Variants in SEMA5B observed in about 807,000 individuals in gnomAD.
The protein encoded by SEMA5B is semaphorin-5B.
SEMA5B carries 66 observed loss-of-function variants against 135.0 expected under a neutral mutation model. The observed-to-expected ratio is 0.49, with a 90% CI of 0.40 to 0.60. The LOEUF is 0.60. SEMA5B is among the 20% of genes least tolerant of loss of function. SEMA5B has a pLI of 0.00. For synonymous variants in SEMA5B, 690 were observed against 639.5 expected, an observed-to-expected ratio of 1.08 and a Z score of -1.19; for missense variants, 1,501 against 1,566.3, an observed-to-expected ratio of 0.96 and a Z score of 0.70.
intron 1 of SEMA5B, among the ~76,000 whole-genome samples, chr3:123,012,657 G>T (rs141474721): frequency 1.8e-4 from 28 of 152,326 alleles, no homozygotes; most frequent in South Asian, 4.1e-4. Flanking sequence ...GGTTAATTAG[G>T]TGTGCAGCCA....
chr3:123,021,474 A>C (rs913470699), intron 1 of SEMA5B, among the ~76,000 whole-genome samples: 5 of 152,228 alleles, frequency 3.3e-5, no homozygotes, highest in African/African-American at 1.2e-4. Flanking sequence ...GCAGGGAAAG[A>C]AGAGGCCTGA....
chr3:122,991,786 A>C (rs1941884480), intron 1 of SEMA5B, among the ~76,000 whole-genome samples: 2 of 152,170 alleles, frequency 1.3e-5, no homozygotes, highest in Non-Finnish European at 2.9e-5. Context: ...GGAAAGTTGG[A>C]AATGTTCCCA....
intron 5 of SEMA5B, among the ~76,000 whole-genome samples, chr3:122,930,061 T>C (rs567675862): frequency 2.2e-4 from 33 of 152,226 alleles, no homozygotes; most frequent in Non-Finnish European, 3.8e-4. Context: ...AAAGCAGCTC[T>C]GTCTTCCAAA....
At chr3:123,004,853 T>A (rs1942267094) in intron 1 of SEMA5B, among the ~76,000 whole-genome samples, 1 of 152,164 alleles carries the variant, frequency 6.6e-6, no homozygotes. Context: ...CAAATCTGAA[T>A]CTCATGGGTG....
At chr3:123,013,390 C>A (rs1033353569) in intron 1 of SEMA5B, among the ~76,000 whole-genome samples, 1 of 152,204 alleles carries the variant, frequency 6.6e-6, no homozygotes, top group Non-Finnish European at 1.5e-5. Flanking sequence ...GCAAAAGGAC[C>A]GGTTCACTTG....
chr3:122,927,679 G>A (rs1576340826), intron 8 of SEMA5B, 111 bp downstream of exon 8: 2 of 737,324 alleles, frequency 2.7e-6, no homozygotes, highest in East Asian at 3.3e-5. Context: ...GATGAGGCAA[G>A]TGGGAGCACT....
At chr3:122,976,193 A>G in intron 1 of SEMA5B, 1 of 1,508,178 alleles carries the variant, frequency 6.6e-7, no homozygotes, top group South Asian at 1.3e-5. Flanking sequence ...TGCTTCTCAA[A>G]ATGTGCTCCT....
At chr3:122,929,536 G>C (rs988934107) in intron 5 of SEMA5B, among the ~76,000 whole-genome samples, 1 of 152,174 alleles carries the variant, frequency 6.6e-6, no homozygotes, top group Non-Finnish European at 1.5e-5. Context: ...TGACAACTCT[G>C]GGCTTTTTCC....
intron 1 of SEMA5B, among the ~76,000 whole-genome samples, chr3:122,972,122 T>A (rs1480254835): frequency 6.6e-6 from 1 of 152,216 alleles, no homozygotes; most frequent in Non-Finnish European, 1.5e-5. Context: ...GCTCTGCCAC[T>A]ACCTGACTTA....
At chr3:122,943,358 G>T in intron 4 of SEMA5B, 78 bp downstream of exon 4, 1 of 1,040,280 alleles carries the variant, frequency 9.6e-7, no homozygotes, top group Non-Finnish European at 1.4e-6. Context: ...GCCCAGGTGA[G>T]TTCATCCTGA....
intron 1 of SEMA5B, among the ~76,000 whole-genome samples, chr3:123,026,735 A>T (rs1942809497): frequency 6.6e-6 from 1 of 152,168 alleles, no homozygotes; most frequent in African/African-American, 2.4e-5. Context: ...GGGCAGCCCC[A>T]ACCACAAAGA....
chr3:122,967,510 C>T (rs1940918149), intron 1 of SEMA5B, among the ~76,000 whole-genome samples: 1 of 152,226 alleles, frequency 6.6e-6, no homozygotes, highest in Non-Finnish European at 1.5e-5. Flanking sequence ...CTGCCCTTAA[C>T]CCAGTGCAGA....
chr3:122,987,800 A>G (rs748952201), intron 1 of SEMA5B, among the ~76,000 whole-genome samples: 1 of 152,182 alleles, frequency 6.6e-6, no homozygotes, highest in African/African-American at 2.4e-5. Context: ...TTCTGGAAAA[A>G]TCAGGACATA....
At chr3:122,964,433 C>T (rs1386396729) in intron 1 of SEMA5B, among the ~76,000 whole-genome samples, 1 of 152,222 alleles carries the variant, frequency 6.6e-6, no homozygotes, top group African/African-American at 2.4e-5. Context: ...TGTGTGAGGA[C>T]ACAGGCCCAG....
chr3:122,952,038 C>T (rs1940072064), intron 2 of SEMA5B, among the ~76,000 whole-genome samples: 1 of 152,234 alleles, frequency 6.6e-6, no homozygotes, highest in South Asian at 2.1e-4. Flanking sequence ...CACTCCCTCC[C>T]TGGTCTGCAC....
chr3:122,961,342 G>A, intron 1 of SEMA5B, 41 bp from the exon 2 acceptor site: 1 of 1,575,956 alleles, frequency 6.3e-7, no homozygotes, highest in South Asian at 1.2e-5. Context: ...GATACATGAT[G>A]AACCAGGCAA....
chr3:122,958,501 G>A (rs973549849), intron 2 of SEMA5B, among the ~76,000 whole-genome samples: 13 of 152,204 alleles, frequency 8.5e-5, no homozygotes, highest in African/African-American at 2.7e-4. Flanking sequence ...GGGCTTCTCC[G>A]TGGGGGTGGT....
Position 122,936,992 on chromosome 3 carries a change from C to T in SEMA5B, c.474+2433G>A, listed in dbSNP as rs546021206. 4.6e-5 allele frequency among the ~76,000 whole-genome samples: 7 copies of T among 152,228 alleles called. No homozygotes were observed. In the East Asian group the frequency reaches 1.2e-3, roughly 25 times the overall value. On this transcript the variant is annotated intron_variant, in intron 5 of 22. Coordinates refer to ENST00000357599, the MANE Select transcript of SEMA5B (RefSeq NM_001031702.4). ...CTGTTTACATTTAGATTTTTCTTTA[C>T]GTAATGTTAATTATTTAAACTATCA...
intron 1 of SEMA5B, among the ~76,000 whole-genome samples, chr3:122,997,518 T>TCCCC (rs1553785271): frequency 7.0e-6 from 1 of 142,778 alleles, no homozygotes; most frequent in African/African-American, 2.6e-5. Context: ...CCCAGGCCTC[T>TCCCC]CCCCCCCCCG....
Sources: allele counts gnomAD v4.1 joint callset (sites outside exome capture counted in the v4.1 genomes callset), GRCh38; gene constraint gnomAD v4.1.1; transcripts MANE v1.5; gene names NCBI Gene and HGNC (gene_info 2026-07-23, HGNC 2026-07-21).